The following GPC3 variants were observed in gnomAD, a reference collection of about 807,000 sequenced individuals.
GPC3 encodes the protein glypican 3.
Under a neutral mutation model 34.4 loss-of-function variants are expected in GPC3, and 3 were observed. The ratio of observed to expected loss-of-function variants is 0.09; its 90% CI spans 0.04 to 0.23. The LOEUF (loss-of-function observed/expected upper bound fraction) is 0.23. GPC3 is among the 10% of genes least tolerant of loss of function. The pLI is 1.00. For synonymous variants in GPC3, 177 were observed against 174.0 expected (o/e 1.02, Z -0.13); for missense variants, 351 against 445.6 (o/e 0.79, Z 1.91).
At position 133,962,763 on chromosome X, in the gene GPC3, C is replaced by T. The variant is rs752518950; in HGVS notation, c.176-9552G>A. On this transcript the variant is annotated intron_variant, in intron 1 of 7. Transcript: ENST00000370818. ...ATGTTTAATTTTTATTTTTCAGATA[C>T]AATCTTTAAATACGCAGACCTGAGG... Among the ~76,000 whole-genome samples, 4 of 111,808 alleles carry T rather than the reference C, an allele frequency of 3.6e-5. No homozygotes were observed. The East Asian group carries it at 8.5e-4, about 24-fold the overall frequency.
intron 6 of GPC3, among the ~76,000 whole-genome samples, chrX:133,658,719 T>C (rs2070690706): frequency 1.8e-5 from 2 of 112,201 alleles, no homozygotes; most frequent in African/African-American, 6.5e-5. Flanking sequence ...CAATGAGAAT[T>C]AATTGGCTGC....
At chrX:133,790,449 G>A (rs924598741) in intron 2 of GPC3, among the ~76,000 whole-genome samples, 4 of 111,138 alleles carry the variant, frequency 3.6e-5, no homozygotes, top group African/African-American at 1.3e-4. Context: ...TTTTTTGATT[G>A]TCACATGCAT....
chrX:133,664,400 T>G, intron 5 of GPC3, among the ~76,000 whole-genome samples: 1 of 112,452 alleles, frequency 8.9e-6, no homozygotes, highest in Non-Finnish European at 1.9e-5. Context: ...AATTAATTGA[T>G]TCTAAATGAT....
chrX:133,800,851 A>G (rs2075605858), intron 2 of GPC3, among the ~76,000 whole-genome samples: 1 of 111,707 alleles, frequency 9.0e-6, no homozygotes, highest in South Asian at 3.8e-4. Flanking sequence ...GAAGACTACC[A>G]AATCAAATTG....
chrX:133,917,835 A>G (rs1050086370), intron 2 of GPC3, among the ~76,000 whole-genome samples: 13 of 111,869 alleles, frequency 1.2e-4, no homozygotes, highest in Admixed American at 1.9e-4. Flanking sequence ...ACCAAAATTG[A>G]AAAATGTGAT....
intron 2 of GPC3, among the ~76,000 whole-genome samples, chrX:133,874,541 C>T (rs752631371): frequency 8.9e-6 from 1 of 111,842 alleles, no homozygotes; most frequent in South Asian, 3.8e-4. Context: ...CAGCTGTAAG[C>T]CACAGAATAA....
intron 6 of GPC3, among the ~76,000 whole-genome samples, chrX:133,618,433 A>G (rs1322857247): frequency 8.9e-6 from 1 of 112,153 alleles, no homozygotes; most frequent in Non-Finnish European, 1.9e-5. Flanking sequence ...TCAAAATGAA[A>G]GAATGCTCTT....
At chrX:133,565,555 C>T (rs897981452) in intron 7 of GPC3, among the ~76,000 whole-genome samples, 9 of 112,298 alleles carry the variant, frequency 8.0e-5, no homozygotes. Context: ...CTCTCTCTCT[C>T]TCTCATCACC....
At chrX:133,892,473 G>T (rs2076092297) in intron 2 of GPC3, among the ~76,000 whole-genome samples, 1 of 111,444 alleles carries the variant, frequency 9.0e-6, no homozygotes, top group Non-Finnish European at 1.9e-5. Context: ...ATACCTTCCT[G>T]AGACCTTTAA....
chrX:133,887,036 C>T (rs778549630), intron 2 of GPC3, among the ~76,000 whole-genome samples: 14 of 112,385 alleles, frequency 1.2e-4, no homozygotes, highest in Non-Finnish European at 2.1e-4. Flanking sequence ...AACAGGGTCT[C>T]AGCTCTGTTG....
At chrX:133,836,476 C>T (rs1055134760) in intron 2 of GPC3, among the ~76,000 whole-genome samples, 1 of 112,105 alleles carries the variant, frequency 8.9e-6, no homozygotes, top group Non-Finnish European at 1.9e-5. Flanking sequence ...CTTCCAAATT[C>T]CACATCTTTC....
chrX:133,624,716 G>A (rs1346847577), intron 6 of GPC3, among the ~76,000 whole-genome samples: 1 of 111,440 alleles, frequency 9.0e-6, no homozygotes, highest in South Asian at 3.8e-4. Flanking sequence ...ATTCACAGCT[G>A]AATTCTACCA....
chrX:133,946,832 C>CA (rs930887370), intron 2 of GPC3, among the ~76,000 whole-genome samples: 1 of 110,868 alleles, frequency 9.0e-6, no homozygotes, highest in Non-Finnish European at 1.9e-5. Flanking sequence ...AAGAAGGATG[C>CA]AGGAAGAAAT....
chrX:133,717,086 G>A (rs940104444), intron 3 of GPC3, among the ~76,000 whole-genome samples: 4 of 110,294 alleles, frequency 3.6e-5, no homozygotes, highest in South Asian at 4.0e-4. Flanking sequence ...TCAGCCTCAC[G>A]AGTAGCTGGA....
chrX:133,657,004 T>A (rs1603213104), intron 6 of GPC3, among the ~76,000 whole-genome samples: 1 of 111,424 alleles, frequency 9.0e-6, no homozygotes, highest in African/African-American at 3.3e-5. Context: ...TCTCGTCCAC[T>A]CCCCCACCAT....
chrX:133,956,479 T>G (rs2076416794), intron 1 of GPC3, among the ~76,000 whole-genome samples: 1 of 111,926 alleles, frequency 8.9e-6, no homozygotes, highest in Non-Finnish European at 1.9e-5. Flanking sequence ...CAATGCTGGT[T>G]GGGACACATA....
chrX:133,664,785 A>G (rs1437925010), intron 5 of GPC3, among the ~76,000 whole-genome samples: 1 of 107,415 alleles, frequency 9.3e-6, no homozygotes, highest in Non-Finnish European at 1.9e-5. Flanking sequence ...TGCTTAAAAT[A>G]AAACAATTAA....
At chrX:133,670,981 C>A in intron 5 of GPC3, 2 of 503,901 alleles carry the variant, frequency 4.0e-6, no homozygotes, top group Non-Finnish European at 7.1e-6. Flanking sequence ...ATGAACGACA[C>A]GGTAACTATC....
At chrX:133,585,231 T>C (rs2069777041) in intron 7 of GPC3, among the ~76,000 whole-genome samples, 1 of 112,058 alleles carries the variant, frequency 8.9e-6, no homozygotes, top group African/African-American at 3.2e-5. Context: ...AGGACTGCAC[T>C]GTCTGAATTG....
Sources: allele counts gnomAD v4.1 joint callset (sites outside exome capture counted in the v4.1 genomes callset), GRCh38; gene constraint gnomAD v4.1.1; transcripts MANE v1.5; gene names NCBI Gene and HGNC (gene_info 2026-07-23, HGNC 2026-07-21).